USP40: variants seen among roughly 807,000 people sequenced by gnomAD.
USP40 encodes the protein ubiquitin carboxyl-terminal hydrolase 40.
USP40 carries 143 observed loss-of-function variants against 166.2 expected under a neutral mutation model. The observed-to-expected ratio is 0.86, with a 90% CI of 0.75 to 0.99. USP40 has a LOEUF of 0.99. USP40 is among the 50% of genes least tolerant of loss of function. The probability of loss-of-function intolerance (pLI) is 0.00; values close to 1 mark genes in which losing one functional copy is unlikely to be tolerated. For missense variants in USP40, 1,444 were observed against 1,479.7 expected (o/e 0.98, Z 0.40); for synonymous variants, 498 against 524.0 (o/e 0.95, Z 0.68).
intron 31 of USP40, among the ~76,000 whole-genome samples, chr2:233,479,764 A>G (rs1271647494): frequency 1.3e-5 from 2 of 152,010 alleles, no homozygotes; most frequent in Admixed American, 6.5e-5. Context: ...CAGAGCTGCG[A>G]ATGGGGGTGA....
intron 21 of USP40, among the ~76,000 whole-genome samples, chr2:233,506,918 AT>A (rs779524159): frequency 6.6e-6 from 1 of 151,858 alleles, no homozygotes; most frequent in Non-Finnish European, 1.5e-5. Context: ...TAAAAAAAAA[AT>A]CTAACAAAGA....
At chr2:233,523,612 CA>C (rs1559251879) in intron 15 of USP40, 123 bp from the exon 16 acceptor site, 4 of 945,208 alleles carry the variant, frequency 4.2e-6, no homozygotes, top group Non-Finnish European at 4.6e-6. Flanking sequence ...AAAATTTTCA[CA>C]AATGTCTGTT....
intron 21 of USP40, among the ~76,000 whole-genome samples, chr2:233,502,081 A>G (rs1246610019): frequency 1.3e-5 from 2 of 152,222 alleles, no homozygotes; most frequent in Non-Finnish European, 2.9e-5. Flanking sequence ...CTCACTGGAC[A>G]TAGTAATGTG....
intron 30 of USP40, among the ~76,000 whole-genome samples, chr2:233,484,625 G>T (rs2064830702): frequency 1.3e-5 from 2 of 151,970 alleles, no homozygotes; most frequent in South Asian, 4.2e-4. Flanking sequence ...GGGACTACAG[G>T]TGTGTGCTAC....
chr2:233,551,268 G>A, intron 7 of USP40, 108 bp downstream of exon 7: 2 of 1,213,914 alleles, frequency 1.6e-6, no homozygotes, highest in Non-Finnish European at 2.3e-6. Context: ...AATGTCAATG[G>A]TGCCAAGGTT....
intron 9 of USP40, among the ~76,000 whole-genome samples, chr2:233,541,705 G>A (rs1182673936): frequency 6.6e-6 from 1 of 152,166 alleles, no homozygotes. Context: ...AATGAAAGAA[G>A]ACCTCACATC....
chr2:233,526,253 ATAGT>A (rs1322657674), intron 13 of USP40, among the ~76,000 whole-genome samples: 1 of 152,208 alleles, frequency 6.6e-6, no homozygotes, highest in East Asian at 1.9e-4. Flanking sequence ...TTCTAAGAGA[ATAGT>A]TAGTAGGCAT....
In USP40 at chr2:233,477,609, C is replaced by T. The variant is rs1045758903; in HGVS notation, c.3600-106G>A. 3.3e-5 allele frequency: 32 copies of T among 960,890 alleles called. No homozygotes were observed. In the East Asian group the frequency reaches 4.5e-4, roughly 14 times the overall value. The allele number at this position is 960,890 out of a possible 1,614,324, so 59.5% of individuals were successfully genotyped here. A position where few individuals can be genotyped will look rare whatever the true frequency, so the allele number is the denominator to read the frequency against. ...ACTCCAATTTTATAGGCCACAAGGA[C>T]GTGCATTTGCAATTGCACAGACAGA... On this transcript the variant is annotated intron_variant, in intron 31 of 31. Transcript: ENST00000678225.
chr2:233,520,919 A>T, intron 17 of USP40, 72 bp downstream of exon 17: 1 of 1,506,706 alleles, frequency 6.6e-7, no homozygotes, highest in Non-Finnish European at 9.0e-7. Context: ...TGAAAGATTA[A>T]GGTATTGTTT....
At chr2:233,518,873 G>A (rs780529470) in intron 18 of USP40, among the ~76,000 whole-genome samples, 2 of 152,068 alleles carry the variant, frequency 1.3e-5, no homozygotes, top group African/African-American at 2.4e-5. Flanking sequence ...ATTCATGTTT[G>A]TCCAGGATAA....
At position 233,551,402 on chromosome 2, in the gene USP40, T is replaced by A; in HGVS notation, c.811A>T (p.Ile271Phe). 2 of 1,610,020 alleles carry A rather than the reference T, an allele frequency of 1.2e-6. No homozygotes were observed. The highest frequency in any genetic ancestry group is 1.7e-6 in the Non-Finnish European group (2 of 1,178,674). The change falls in exon 7 of 32, where the codon ATT becomes TTT. Residue 271 changes from isoleucine (I) to phenylalanine (F), a missense_variant. By Grantham distance (21) the Ile-to-Phe change is conservative. Transcript: ENST00000678225. ...TGTTCACAAAAGGGCTTGAGATTAA[T>A]CCGGAGAGGGAATGTATAACAGCTA... ...ETSCYTFPLR[I>F]NLKPFCEQSE...
chr2:233,505,365 C>T (rs2066349967), intron 21 of USP40, among the ~76,000 whole-genome samples: 1 of 151,876 alleles, frequency 6.6e-6, no homozygotes, highest in African/African-American at 2.4e-5. Flanking sequence ...AAAATAGGAA[C>T]TAACAAAACA....
chr2:233,493,395 C>A lies in USP40; in HGVS notation c.2917+30G>T. The A allele has an allele frequency of 6.2e-7, 1 of 1,613,928 alleles. No individual in the cohort carries two copies. The highest frequency in any genetic ancestry group is 1.1e-5 in the South Asian group (1 of 91,076). On this transcript the variant is annotated intron_variant, in intron 25 of 31. Coordinates refer to ENST00000678225, the MANE Select transcript of USP40 (RefSeq NM_001365479.2). The surrounding 1 kb of genome is among the most constrained non-coding windows in gnomAD (Gnocchi z 4.7). Reference sequence around the variant, plus strand: ...TCAATTTACTTCTCTTTATGATGCACTGGCTGCTGAAATCCCATTCTGTTC... The same window carrying A: ...TCAATTTACTTCTCTTTATGATGCAATGGCTGCTGAAATCCCATTCTGTTC...
At chr2:233,479,437 C>G (rs2064396296) in intron 31 of USP40, among the ~76,000 whole-genome samples, 1 of 152,058 alleles carries the variant, frequency 6.6e-6, no homozygotes, top group Non-Finnish European at 1.5e-5. Context: ...GTGGTGCACG[C>G]CTGTAGTACC....
chr2:233,523,834 C>T (rs1384299248), intron 15 of USP40, among the ~76,000 whole-genome samples: 2 of 152,070 alleles, frequency 1.3e-5, no homozygotes, highest in Non-Finnish European at 2.9e-5. Flanking sequence ...CTCCAAACCA[C>T]CCCCACTCCC....
At chr2:233,479,627 A>ACGTGTG (rs1553551136) in intron 31 of USP40, among the ~76,000 whole-genome samples, 1 of 123,460 alleles carries the variant, frequency 8.1e-6, no homozygotes, top group East Asian at 2.2e-4. Flanking sequence ...ATAGAATTTT[A>ACGTGTG]CGTGTGTGTG....
chr2:233,500,616 A>AC (rs2066016091), intron 21 of USP40, among the ~76,000 whole-genome samples: 1 of 152,156 alleles, frequency 6.6e-6, no homozygotes, highest in Non-Finnish European at 1.5e-5. Context: ...GGCAAAAAAA[A>AC]CCCCACCAAA....
intron 10 of USP40, among the ~76,000 whole-genome samples, chr2:233,534,795 TTCTA>T (rs1384980220): frequency 6.6e-6 from 1 of 152,208 alleles, no homozygotes; most frequent in African/African-American, 2.4e-5. Context: ...GTAATGAACT[TTCTA>T]TATAGCCACG....
intron 22 of USP40, among the ~76,000 whole-genome samples, chr2:233,498,956 TG>T (rs2065900125): frequency 6.6e-6 from 1 of 152,202 alleles, no homozygotes; most frequent in African/African-American, 2.4e-5. Context: ...AAGGAATCAG[TG>T]GAAGACCTGC....
Sources: allele counts gnomAD v4.1 joint callset (sites outside exome capture counted in the v4.1 genomes callset), GRCh38; gene constraint gnomAD v4.1.1; non-coding constraint Gnocchi (gnomAD v3.1); transcripts MANE v1.5; gene names NCBI Gene and HGNC (gene_info 2026-07-23, HGNC 2026-07-21).